Variants in ALK observed in about 807,000 individuals in gnomAD.
The protein encoded by ALK is ALK tyrosine kinase receptor.
In ALK, 74 loss-of-function variants were observed where a neutral mutation model predicts 163.1. That is an observed-to-expected ratio of 0.45 (90% CI 0.38 to 0.55). ALK has a LOEUF of 0.55. Ranked by LOEUF, ALK falls within the 20% of genes least tolerant of loss-of-function variation. The pLI, the probability that ALK is intolerant of heterozygous loss-of-function variation, is 0.00. For synonymous variants in ALK, 960 were observed against 843.2 expected, an observed-to-expected ratio of 1.14 and a Z score of -2.40; for missense variants, 2,063 against 2,105.3, an observed-to-expected ratio of 0.98 and a Z score of 0.39.
rs1363435248 is a variant in ALK at position 29,920,918 on chromosome 2, T to C, written c.-259A>G. The C allele has an allele frequency of 3.8e-6, 2 of 528,232 alleles. No homozygotes were observed. Among genetic ancestry groups the C allele is most frequent in the Non-Finnish European group, 3.4e-6 (1 of 296,506 alleles). 32.7% of individuals were successfully genotyped at this position (528,232 alleles called of 1,614,324 possible). A position where few individuals can be genotyped will look rare whatever the true frequency, so the allele number is the denominator to read the frequency against. ...CACACTGGGCTCACTGGCTGGGACC[T>C]TGAGCCTCCCGCTCTCCGCGCCGAG... On this transcript the variant is annotated 5_prime_UTR_variant, in exon 1 of 29. Transcript: ENST00000389048.
intron 4 of ALK, among the ~76,000 whole-genome samples, chr2:29,486,420 A>C (rs2148121827): frequency 6.6e-6 from 1 of 152,324 alleles, no homozygotes; most frequent in Admixed American, 6.5e-5. Flanking sequence ...GAGAAAATGA[A>C]GTAAGCTTCT....
intron 4 of ALK, among the ~76,000 whole-genome samples, chr2:29,449,660 A>G (rs772342572): frequency 2.0e-5 from 3 of 152,208 alleles, no homozygotes; most frequent in Non-Finnish European, 4.4e-5. Flanking sequence ...CTGAGGGCTT[A>G]CGGATGTTTG....
chr2:29,348,262 G>T (rs1391241991), intron 5 of ALK, among the ~76,000 whole-genome samples: 1 of 152,176 alleles, frequency 6.6e-6, no homozygotes, highest in Non-Finnish European at 1.5e-5. Flanking sequence ...GTCCCCCAGG[G>T]TGGTCCATCT....
chr2:29,606,605 G>A (rs770961688), intron 3 of ALK, among the ~76,000 whole-genome samples: 3 of 152,192 alleles, frequency 2.0e-5, no homozygotes, highest in Non-Finnish European at 2.9e-5. Context: ...TTCAATGGTT[G>A]GCAAACTACT....
intron 3 of ALK, among the ~76,000 whole-genome samples, chr2:29,629,589 A>C (rs2148235838): frequency 6.6e-6 from 1 of 152,326 alleles, no homozygotes; most frequent in East Asian, 1.9e-4. Flanking sequence ...CACAGATTCT[A>C]AGAAATCATA....
At chr2:29,869,488 G>A (rs1666522659) in intron 1 of ALK, among the ~76,000 whole-genome samples, 1 of 152,068 alleles carries the variant, frequency 6.6e-6, no homozygotes, top group Non-Finnish European at 1.5e-5. Flanking sequence ...AGAAGTTAAA[G>A]GAAGCATCAC....
intron 1 of ALK, among the ~76,000 whole-genome samples, chr2:29,727,234 G>A (rs961971244): frequency 6.6e-6 from 1 of 152,178 alleles, no homozygotes; most frequent in Non-Finnish European, 1.5e-5. Context: ...TCCAAGGGAA[G>A]ATGCTTAGGG....
chr2:29,527,582 A>T (rs1420475662), intron 4 of ALK, among the ~76,000 whole-genome samples: 1 of 152,104 alleles, frequency 6.6e-6, no homozygotes, highest in Non-Finnish European at 1.5e-5. Context: ...ATCACAGTTT[A>T]CTGCAGCCTC....
chr2:29,591,932 G>C (rs1022798136), intron 3 of ALK, among the ~76,000 whole-genome samples: 1 of 151,810 alleles, frequency 6.6e-6, no homozygotes, highest in East Asian at 1.9e-4. Flanking sequence ...TCATGAGTCC[G>C]TCTTTATTCT....
intron 4 of ALK, among the ~76,000 whole-genome samples, chr2:29,446,098 CAAAAAAA>C (rs60360983): frequency 4.6e-4 from 8 of 17,206 alleles, no homozygotes; most frequent in Admixed American, 1.1e-3. Flanking sequence ...GACTCCGTCT[CAAAAAAA>C]AAAAAAAAAA....
intron 4 of ALK, among the ~76,000 whole-genome samples, chr2:29,481,648 A>G (rs7594683): frequency 0.24 from 36,808 of 152,072 alleles, 4,778 homozygotes; most frequent in East Asian, 0.34. Context: ...CATCATCACT[A>G]AAGTCTTTTC....
intron 9 of ALK, among the ~76,000 whole-genome samples, chr2:29,288,487 G>A (rs948096068): frequency 6.6e-6 from 1 of 152,140 alleles, no homozygotes; most frequent in Non-Finnish European, 1.5e-5. Context: ...ACCTCTTCAC[G>A]GCTGACAGGG....
At chr2:29,829,933 A>T (rs568595556) in intron 1 of ALK, among the ~76,000 whole-genome samples, 5 of 152,192 alleles carry the variant, frequency 3.3e-5, no homozygotes, top group Admixed American at 6.5e-5. Flanking sequence ...CCTCTGGGTG[A>T]ACATTTGAGA....
intron 8 of ALK, among the ~76,000 whole-genome samples, chr2:29,308,823 C>T (rs892723515): frequency 1.3e-5 from 2 of 151,950 alleles, no homozygotes; most frequent in African/African-American, 4.8e-5. Context: ...AGGCAGGGGA[C>T]ACTTTGTTAG....
chr2:29,524,194 A>G (rs1246038989), intron 4 of ALK, among the ~76,000 whole-genome samples: 2 of 152,132 alleles, frequency 1.3e-5, no homozygotes, highest in Non-Finnish European at 2.9e-5. Context: ...TTATCCATCC[A>G]CCTAATATAG....
At chr2:29,594,541 G>C (rs1472190374) in intron 3 of ALK, among the ~76,000 whole-genome samples, 3 of 149,694 alleles carry the variant, frequency 2.0e-5, no homozygotes, top group East Asian at 2.0e-4. Flanking sequence ...CGATTCTCCT[G>C]CCTCCGCCTC....
At chr2:29,504,104 C>T (rs1318336919) in intron 4 of ALK, among the ~76,000 whole-genome samples, 1 of 152,032 alleles carries the variant, frequency 6.6e-6, no homozygotes, top group African/African-American at 2.4e-5. Context: ...ACACAGATCA[C>T]AGTGGGAATT....
intron 16 of ALK, among the ~76,000 whole-genome samples, chr2:29,228,006 C>T (rs1664060046): frequency 6.6e-6 from 1 of 152,202 alleles, no homozygotes; most frequent in Admixed American, 6.5e-5. Context: ...TCTCCCAGGA[C>T]TGGTCAGGAT....
intron 4 of ALK, among the ~76,000 whole-genome samples, chr2:29,396,836 GTTTTTTTT>G (rs10654058): frequency 2.8e-4 from 13 of 46,604 alleles, no homozygotes; most frequent in Admixed American, 8.6e-4. Flanking sequence ...TGTTACTATG[GTTTTTTTT>G]TTTTTTTTTT....
Sources: allele counts gnomAD v4.1 joint callset (sites outside exome capture counted in the v4.1 genomes callset), GRCh38; gene constraint gnomAD v4.1.1; transcripts MANE v1.5; gene names NCBI Gene and HGNC (gene_info 2026-07-23, HGNC 2026-07-21).